Variants in PRKAR1A observed in about 807,000 individuals in gnomAD.
PRKAR1A encodes cAMP-dependent protein kinase type I-alpha regulatory subunit.
In PRKAR1A, 3 loss-of-function variants were observed where a neutral mutation model predicts 52.0. That is an observed-to-expected ratio of 0.06 (90% CI 0.03 to 0.15). PRKAR1A has a LOEUF of 0.15. Ranked by LOEUF, PRKAR1A falls within the 10% of genes least tolerant of loss-of-function variation. PRKAR1A has a pLI of 1.00. For synonymous variants in PRKAR1A, 188 were observed against 168.4 expected (o/e 1.12, Z -0.90); for missense variants, 240 against 477.4 (o/e 0.50, Z 4.63).
chr17:68,525,706 G>A (rs201769655), intron 6 of PRKAR1A, 48 bp from the exon 7 acceptor site: 4 of 1,589,038 alleles, frequency 2.5e-6, no homozygotes, highest in Non-Finnish European at 3.5e-6. Flanking sequence ...TAACATTTAA[G>A]TGTTTGTATC....
At chr17:68,517,074 A>G (rs1289139136) in intron 2 of PRKAR1A, among the ~76,000 whole-genome samples, 1 of 152,232 alleles carries the variant, frequency 6.6e-6, no homozygotes, top group Non-Finnish European at 1.5e-5. Context: ...AAGACTAACA[A>G]AGGTGGAAAG....
the PRKAR1A span, among the ~76,000 whole-genome samples, chr17:68,460,103 G>T: frequency 6.6e-6 from 1 of 152,212 alleles, no homozygotes; most frequent in African/African-American, 2.4e-5. Context: ...ACAGGCGTGA[G>T]CCACCACGCC....
At chr17:68,474,824 T>G in the PRKAR1A span, among the ~76,000 whole-genome samples, 1 of 152,068 alleles carries the variant, frequency 6.6e-6, no homozygotes, top group Non-Finnish European at 1.5e-5. Flanking sequence ...GAGGTTGCAG[T>G]GAGCCGAGAT....
At chr17:68,467,932 T>TGTC in the PRKAR1A span, among the ~76,000 whole-genome samples, 1 of 152,162 alleles carries the variant, frequency 6.6e-6, no homozygotes, top group Non-Finnish European at 1.5e-5. Context: ...TCTTGCTCTG[T>TGTC]CACCCAGGCT....
At chr17:68,539,244 G>T in intron 11 of PRKAR1A, 1 of 1,266,052 alleles carries the variant, frequency 7.9e-7, no homozygotes, top group Non-Finnish European at 1.2e-6. Context: ...TCCTGGACCA[G>T]TGAAAACTGG....
At chr17:68,513,610 T>C (rs2085340078) in intron 1 of PRKAR1A, among the ~76,000 whole-genome samples, 1 of 152,192 alleles carries the variant, frequency 6.6e-6, no homozygotes, top group South Asian at 2.1e-4. Flanking sequence ...GAGGGAAGGC[T>C]AGGTTGTTGG....
downstream of PRKAR1A, chr17:68,536,424 TCAA>T (rs748001126): frequency 2.2e-6 from 1 of 454,102 alleles, no homozygotes; most frequent in South Asian, 1.6e-5. Flanking sequence ...GTTTCAGATA[TCAA>T]CAAGTCAGGG....
the PRKAR1A span, among the ~76,000 whole-genome samples, chr17:68,417,918 G>T: frequency 6.6e-6 from 1 of 151,628 alleles, no homozygotes; most frequent in East Asian, 1.9e-4. Context: ...TTTTAGTAGA[G>T]ACGGGGTTTT....
the PRKAR1A span, chr17:68,427,065 G>A: frequency 2.3e-6 from 3 of 1,281,268 alleles, no homozygotes; most frequent in Non-Finnish European, 3.4e-6. Flanking sequence ...GAAGGGGAGG[G>A]AGCGTGCAGG....
the PRKAR1A span, among the ~76,000 whole-genome samples, chr17:68,491,656 C>T: frequency 6.6e-6 from 1 of 152,050 alleles, no homozygotes; most frequent in East Asian, 1.9e-4. Context: ...GAGCAGACCT[C>T]GGATTCAAGA....
chr17:68,468,296 G>C, the PRKAR1A span, among the ~76,000 whole-genome samples: 1 of 152,204 alleles, frequency 6.6e-6, no homozygotes, highest in Non-Finnish European at 1.5e-5. Context: ...GGGTAGATAT[G>C]TGAGATTGGG....
At chr17:68,421,825 CA>C in the PRKAR1A span, 1 of 1,614,116 alleles carries the variant, frequency 6.2e-7, no homozygotes. Context: ...GATTATCTAC[CA>C]AAATCAAAAC....
At chr17:68,422,889 T>C in the PRKAR1A span, among the ~76,000 whole-genome samples, 5 of 152,174 alleles carry the variant, frequency 3.3e-5, no homozygotes, top group African/African-American at 7.2e-5. Flanking sequence ...CTCCCGAATG[T>C]AGCAGCTTTC....
At chr17:68,456,284 G>A in the PRKAR1A span, among the ~76,000 whole-genome samples, 3 of 152,206 alleles carry the variant, frequency 2.0e-5, no homozygotes, top group South Asian at 4.1e-4. Context: ...AACATAAAGG[G>A]AATGGAAGCC....
the PRKAR1A span, chr17:68,426,228 C>T: frequency 1.0e-6 from 1 of 984,538 alleles, no homozygotes; most frequent in Non-Finnish European, 1.5e-6. Flanking sequence ...GCTTTTATGC[C>T]ATGACCTGGC....
the PRKAR1A span, among the ~76,000 whole-genome samples, chr17:68,425,540 T>C: frequency 4.6e-5 from 7 of 151,950 alleles, no homozygotes; most frequent in Non-Finnish European, 1.0e-4. Context: ...TTAATGAGTG[T>C]CTGCAACTGC....
chr17:68,502,755 GAAAAAAAAAA>G, the PRKAR1A span, among the ~76,000 whole-genome samples: 1 of 86,292 alleles, frequency 1.2e-5, no homozygotes. Flanking sequence ...TTCATCTCAG[GAAAAAAAAAA>G]AAAAAAAAAA....
intron 9 of PRKAR1A, 148 bp downstream of exon 9, chr17:68,529,139 TA>T (rs2085885923): frequency 1.0e-6 from 1 of 980,030 alleles, no homozygotes; most frequent in Admixed American, 2.7e-5. Flanking sequence ...CATTTTATTT[TA>T]AAATTATCTT....
chr17:68,420,630 G>A, the PRKAR1A span: 3 of 793,486 alleles, frequency 3.8e-6, no homozygotes, highest in African/African-American at 1.7e-5. Context: ...CCTCCACGCC[G>A]ACCCGAGAGC....
Sources: gnomAD v4.1 joint callset for allele counts (sites outside exome capture counted in the v4.1 genomes callset) on GRCh38, gnomAD v4.1.1 for gene constraint, MANE v1.5 for transcripts, NCBI Gene and HGNC (gene_info 2026-07-23, HGNC 2026-07-21) for gene names.